Variants in GRM8 observed in about 807,000 individuals in gnomAD.
The protein encoded by GRM8 is glutamate metabotropic receptor 8.
Under a neutral mutation model 87.2 loss-of-function variants are expected in GRM8, and 47 were observed. That is an observed-to-expected ratio of 0.54 (90% CI 0.43 to 0.69). GRM8 has a LOEUF of 0.69. GRM8 is among the 30% of genes least tolerant of loss of function. The pLI is 0.00. For missense variants in GRM8, 1,019 were observed against 1,139.2 expected (o/e 0.89, Z 1.52); for synonymous variants, 396 against 404.5 (o/e 0.98, Z 0.25).
At chr7:126,594,188 A>C (rs1182289107) in intron 8 of GRM8, among the ~76,000 whole-genome samples, 1 of 152,094 alleles carries the variant, frequency 6.6e-6, no homozygotes, top group Non-Finnish European at 1.5e-5. Context: ...AAGATTCCTC[A>C]AAAAATTAAA....
At chr7:126,583,875 T>G (rs901526906) in intron 8 of GRM8, among the ~76,000 whole-genome samples, 1 of 152,186 alleles carries the variant, frequency 6.6e-6, no homozygotes, top group Non-Finnish European at 1.5e-5. Flanking sequence ...AGCAATACAG[T>G]TTGAGATTCA....
chr7:126,814,419 C>T (rs1278205201), intron 6 of GRM8, among the ~76,000 whole-genome samples: 1 of 152,022 alleles, frequency 6.6e-6, no homozygotes, highest in African/African-American at 2.4e-5. Context: ...TGTTTCATAA[C>T]TAAAGAAGCA....
intron 3 of GRM8, among the ~76,000 whole-genome samples, chr7:126,970,921 C>A (rs1327701407): frequency 1.3e-5 from 2 of 151,938 alleles, no homozygotes; most frequent in Non-Finnish European, 2.9e-5. Flanking sequence ...TGAGGGAATG[C>A]CTGGTCAGTG....
At position 126,826,260 on chromosome 7, in the gene GRM8, G is replaced by A. The variant is rs1024085238; in HGVS notation, c.1157-56195C>T. Among the ~76,000 whole-genome samples, 7 of 152,146 alleles carry A rather than the reference G, an allele frequency of 4.6e-5. No homozygotes were observed. In the East Asian group the frequency reaches 5.8e-4, roughly 13 times the overall value. ...CAGTAATGGGATGGCTGGGTCAAAT[G>A]GTATTTCTAGTTCTAGATCCCTGAG... On this transcript the variant is annotated intron_variant, in intron 6 of 10. Transcript: ENST00000339582.
chr7:127,182,100 C>A (rs1794470995), intron 2 of GRM8, among the ~76,000 whole-genome samples: 1 of 151,978 alleles, frequency 6.6e-6, no homozygotes, highest in Non-Finnish European at 1.5e-5. Flanking sequence ...ATACATCTGA[C>A]AAAGGACTAA....
intron 7 of GRM8, among the ~76,000 whole-genome samples, chr7:126,665,396 T>C (rs1241836625): frequency 1.3e-5 from 2 of 152,156 alleles, no homozygotes; most frequent in Non-Finnish European, 2.9e-5. Context: ...CTAATACGTA[T>C]TCACCATAGA....
In GRM8 at chr7:127,137,159, T is replaced by C. The variant is rs17865863; in HGVS notation, c.511-30447A>G. 1.0e-3 allele frequency among the ~76,000 whole-genome samples: 152 copies of C among 151,632 alleles called. 1 individual carries two copies. The highest frequency in any genetic ancestry group is 3.5e-3 in the African/African-American group (143 of 41,424). Reference sequence around the variant, plus strand: ...GATTATCTCATCTATAAAATGAAGATAAAAGCAGGACTGTTCTAGGAGTTG... The same window carrying C: ...GATTATCTCATCTATAAAATGAAGACAAAAGCAGGACTGTTCTAGGAGTTG... On this transcript the variant is annotated intron_variant, in intron 2 of 10. Transcript: ENST00000339582.
intron 3 of GRM8, among the ~76,000 whole-genome samples, chr7:127,057,434 T>C (rs1820108113): frequency 6.6e-6 from 1 of 151,942 alleles, no homozygotes; most frequent in Non-Finnish European, 1.5e-5. Context: ...GCATACATCA[T>C]ATAGTTTGTC....
At chr7:126,614,129 G>C (rs2151114941) in intron 7 of GRM8, among the ~76,000 whole-genome samples, 1 of 152,336 alleles carries the variant, frequency 6.6e-6, no homozygotes, top group Admixed American at 6.5e-5. Context: ...GCACCTCCCA[G>C]TAGGGGCAGA....
chr7:126,864,986 A>G (rs1414778038), intron 6 of GRM8, among the ~76,000 whole-genome samples: 1 of 152,178 alleles, frequency 6.6e-6, no homozygotes, highest in African/African-American at 2.4e-5. Context: ...GGTCTTGCCA[A>G]CCCATAGCCC....
chr7:126,822,530 GTC>G (rs989143017), intron 6 of GRM8, among the ~76,000 whole-genome samples: 3 of 140,046 alleles, frequency 2.1e-5, no homozygotes, highest in African/African-American at 5.3e-5. Flanking sequence ...TCCCTTCCTT[GTC>G]TCTCTCTTTC....
intron 3 of GRM8, among the ~76,000 whole-genome samples, chr7:127,096,517 G>A (rs1022334960): frequency 6.6e-6 from 1 of 151,620 alleles, no homozygotes; most frequent in Non-Finnish European, 1.5e-5. Context: ...CCAAGATCAT[G>A]CCACTGCACT....
At chr7:126,552,202 A>G (rs879359700) in intron 8 of GRM8, among the ~76,000 whole-genome samples, 1 of 151,994 alleles carries the variant, frequency 6.6e-6, no homozygotes, top group Non-Finnish European at 1.5e-5. Flanking sequence ...ACATCATGCA[A>G]TTTTGTTGGT....
intron 3 of GRM8, among the ~76,000 whole-genome samples, chr7:127,064,984 C>G (rs1352841200): frequency 6.6e-6 from 1 of 152,192 alleles, no homozygotes; most frequent in East Asian, 1.9e-4. Flanking sequence ...AAAAGCAGAA[C>G]TACCATTCTA....
At chr7:126,852,828 T>C (rs1797337248) in intron 6 of GRM8, among the ~76,000 whole-genome samples, 1 of 152,172 alleles carries the variant, frequency 6.6e-6, no homozygotes, top group Non-Finnish European at 1.5e-5. Flanking sequence ...ATTTGTATGC[T>C]TAAATATATG....
At chr7:126,560,040 G>A (rs1793544883) in intron 8 of GRM8, among the ~76,000 whole-genome samples, 1 of 152,220 alleles carries the variant, frequency 6.6e-6, no homozygotes, top group African/African-American at 2.4e-5. Flanking sequence ...CTGCATTGTA[G>A]AGCAGAAGGC....
chr7:127,103,343 T>C (rs1296001071), intron 3 of GRM8, among the ~76,000 whole-genome samples: 1 of 152,326 alleles, frequency 6.6e-6, no homozygotes, highest in East Asian at 1.9e-4. Context: ...GGCAGATCTC[T>C]CATTGCTTGG....
intron 6 of GRM8, among the ~76,000 whole-genome samples, chr7:126,819,751 A>C (rs1794132091): frequency 6.6e-6 from 1 of 152,122 alleles, no homozygotes; most frequent in South Asian, 2.1e-4. Context: ...TTTTTTAAAA[A>C]AACTATAGAA....
At chr7:126,613,560 G>T (rs1159353208) in intron 7 of GRM8, among the ~76,000 whole-genome samples, 1 of 152,200 alleles carries the variant, frequency 6.6e-6, no homozygotes, top group South Asian at 2.1e-4. Context: ...CACCGAGTGT[G>T]AGCCAAAGCA....
Sources: allele counts gnomAD v4.1 joint callset (sites outside exome capture counted in the v4.1 genomes callset), GRCh38; gene constraint gnomAD v4.1.1; transcripts MANE v1.5; gene names NCBI Gene and HGNC (gene_info 2026-07-23, HGNC 2026-07-21).